ATP8A1: variants seen among roughly 807,000 people sequenced by gnomAD.
ATP8A1 encodes the protein phospholipid-transporting ATPase IA.
In ATP8A1, 90 loss-of-function variants were observed where a neutral mutation model predicts 177.7. That is an observed-to-expected ratio of 0.51 (90% confidence interval 0.43 to 0.60). The LOEUF is 0.60. Ranked by LOEUF, ATP8A1 falls within the 20% of genes least tolerant of loss-of-function variation. The pLI is 0.00. For synonymous variants in ATP8A1, 493 were observed against 485.9 expected (o/e 1.01, Z -0.19); for missense variants, 1,072 against 1,392.8 (o/e 0.77, Z 3.67).
Position 42,548,348 on chromosome 4 carries a change from T to C in ATP8A1, c.1652+665A>G, listed in dbSNP as rs187651817. Among the ~76,000 whole-genome samples, 4 of 152,310 alleles carry C rather than the reference T, an allele frequency of 2.6e-5. No homozygotes were observed. In the East Asian group the frequency reaches 7.7e-4, roughly 29 times the overall value. On this transcript the variant is annotated intron_variant, in intron 19 of 36. Coordinates refer to ENST00000381668, the MANE Select transcript of ATP8A1 (RefSeq NM_006095.2). The stretch of plus-strand genomic sequence containing the variant: ...TCCAGATCACCAGCCATAAGACGCA[T>C]GGCCGTATACGCTGGGCTTGTGAAT...
intron 33 of ATP8A1, among the ~76,000 whole-genome samples, chr4:42,435,613 C>T (rs567126748): frequency 2.9e-3 from 435 of 152,218 alleles, no homozygotes; most frequent in African/African-American, 9.0e-3. Flanking sequence ...AGAGGCAGTC[C>T]GCCCTCTGCC....
At chr4:42,644,614 T>C (rs1183453440) in intron 1 of ATP8A1, among the ~76,000 whole-genome samples, 3 of 151,980 alleles carry the variant, frequency 2.0e-5, no homozygotes, top group East Asian at 3.9e-4. Flanking sequence ...TACAGTACTA[T>C]GGTGTTTTTC....
chr4:42,484,249 T>A (rs1381475382), intron 25 of ATP8A1, among the ~76,000 whole-genome samples: 1 of 152,214 alleles, frequency 6.6e-6, no homozygotes. Context: ...CTCTTTATGA[T>A]TAAGCAAAGA....
chr4:42,611,503 C>G (rs1736371340), intron 5 of ATP8A1, among the ~76,000 whole-genome samples: 1 of 152,146 alleles, frequency 6.6e-6, no homozygotes, highest in Non-Finnish European at 1.5e-5. Context: ...AGAATGTATA[C>G]AGACCATCGT....
chr4:42,553,369 T>C (rs901296099), intron 16 of ATP8A1, among the ~76,000 whole-genome samples: 1 of 152,226 alleles, frequency 6.6e-6, no homozygotes, highest in Admixed American at 6.5e-5. Flanking sequence ...TTTTCTATAA[T>C]GCTTTGTCTT....
intron 25 of ATP8A1, among the ~76,000 whole-genome samples, chr4:42,471,055 T>C (rs1330802402): frequency 1.3e-5 from 2 of 151,964 alleles, no homozygotes; most frequent in East Asian, 1.9e-4. Flanking sequence ...TGAGAAAAAA[T>C]TAAGATACAG....
intron 30 of ATP8A1, among the ~76,000 whole-genome samples, chr4:42,447,869 C>T (rs1717456950): frequency 6.6e-6 from 1 of 152,074 alleles, no homozygotes; most frequent in Non-Finnish European, 1.5e-5. Context: ...TTTGAAGTGA[C>T]AATGAAGTTC....
At chr4:42,528,668 T>C (rs1726957418) in intron 20 of ATP8A1, among the ~76,000 whole-genome samples, 1 of 152,126 alleles carries the variant, frequency 6.6e-6, no homozygotes, top group African/African-American at 2.4e-5. Context: ...ATACCTTTAC[T>C]GTCCTACCCC....
In ATP8A1 at chr4:42,503,519, A is replaced by G. The variant is rs1219276405; in HGVS notation, c.2087-5T>C. ...TCAACAGTTTGCAGGAGTGTCCTGT[A>G]TCCAAACACAGAGTATATTAAAATT... On this transcript the variant is annotated splice_polypyrimidine_tract_variant and splice_region_variant and intron_variant, in intron 23 of 36. Coordinates refer to ENST00000381668, the MANE Select transcript of ATP8A1 (RefSeq NM_006095.2). The G allele has an allele frequency of 6.3e-7, 1 of 1,580,444 alleles. No individual in the cohort carries two copies. The highest frequency in any genetic ancestry group is 1.3e-5 in the African/African-American group (1 of 74,092).
intron 29 of ATP8A1, among the ~76,000 whole-genome samples, chr4:42,452,624 CAA>C (rs1718050880): frequency 6.6e-6 from 1 of 152,142 alleles, no homozygotes; most frequent in Non-Finnish European, 1.5e-5. Context: ...AAGGCTTTCA[CAA>C]TTTAACAGTG....
intron 1 of ATP8A1, among the ~76,000 whole-genome samples, chr4:42,636,154 A>G (rs750321399): frequency 0.23 from 10,928 of 47,532 alleles, 870 homozygotes; most frequent in Middle Eastern, 0.4. Flanking sequence ...ACACACACAC[A>G]CACGCACACA....
At chr4:42,591,367 T>C (rs972377364) in intron 6 of ATP8A1, among the ~76,000 whole-genome samples, 1 of 152,124 alleles carries the variant, frequency 6.6e-6, no homozygotes, top group African/African-American at 2.4e-5. Context: ...AAAAAACTAT[T>C]AAAAATGTTC....
At chr4:42,460,402 T>TTC (rs1491282816) in intron 27 of ATP8A1, among the ~76,000 whole-genome samples, 2 of 119,426 alleles carry the variant, frequency 1.7e-5, no homozygotes, top group African/African-American at 6.4e-5. Flanking sequence ...TTTTTTTTTT[T>TTC]TCTGAGATGG....
chr4:42,581,725 G>C lies in ATP8A1; in HGVS notation c.730C>G (p.Pro244Ala). ...AGAAGAATCTGATCTGCTCCCAGTG[G>C]AACGGTGCTAGGACAGATTACGTTG... Reference protein sequence around the residue: ...NIRLDGHGTVPLGADQILLRG... With the variant: ...NIRLDGHGTVALGADQILLRG... The change falls in exon 10 of 37, where the codon CCA becomes GCA. Residue 244 changes from proline to alanine, a missense_variant. By Grantham distance (27) the Pro-to-Ala change is conservative (BLOSUM62 -1). Transcript: ENST00000381668. 1 of 1,612,636 alleles carries C rather than the reference G, an allele frequency of 6.2e-7. No homozygotes were observed. The highest frequency in any genetic ancestry group is 8.5e-7 in the Non-Finnish European group (1 of 1,178,650).
rs74414660 is a variant in ATP8A1 at position 42,582,765 on chromosome 4, T to C, written c.723-1033A>G. On this transcript the variant is annotated intron_variant, in intron 9 of 36. Transcript: ENST00000381668. Reference sequence around the variant, plus strand: ...TTCATTCCTTATCATTTAAGACACATTTTTCATGAATAAGGTCCCAGTTGG... The same window carrying C: ...TTCATTCCTTATCATTTAAGACACACTTTTCATGAATAAGGTCCCAGTTGG... Among the ~76,000 whole-genome samples, 1,504 of 152,216 alleles carry C rather than the reference T, an allele frequency of 9.9e-3. 17 individuals are homozygous for C. Among genetic ancestry groups the C allele is most frequent in the African/African-American group, 0.033 (1,384 of 41,522 alleles).
intron 25 of ATP8A1, chr4:42,472,486 C>G (rs146147740): frequency 3.4e-6 from 1 of 290,750 alleles, no homozygotes; most frequent in Admixed American, 4.4e-5. Context: ...CAGTGGCTCA[C>G]GCCTGTAATC....
At chr4:42,487,944 T>C in intron 24 of ATP8A1, among the ~76,000 whole-genome samples, 1 of 152,188 alleles carries the variant, frequency 6.6e-6, no homozygotes, top group Non-Finnish European at 1.5e-5. Context: ...GTTCACACTT[T>C]ACATCAGGGA....
chr4:42,556,950 T>C lies in ATP8A1; in HGVS notation c.1341-910A>G, dbSNP rs145133335. Among the ~76,000 whole-genome samples, 380 of 152,250 alleles carry C rather than the reference T, an allele frequency of 2.5e-3. 3 individuals carry two copies. Among genetic ancestry groups the C allele is most frequent in the African/African-American group, 8.6e-3 (359 of 41,548 alleles). The stretch of plus-strand genomic sequence containing the variant: ...AACATTAACAGGTTACAAAGAGTAT[T>C]ATCAATGTCAACATGTCAGATATCA... On this transcript the variant is annotated intron_variant, in intron 15 of 36. Coordinates refer to ENST00000381668, the MANE Select transcript of ATP8A1 (RefSeq NM_006095.2).
chr4:42,528,723 T>G (rs1040896614), intron 20 of ATP8A1, among the ~76,000 whole-genome samples: 1 of 152,194 alleles, frequency 6.6e-6, no homozygotes, highest in Non-Finnish European at 1.5e-5. Flanking sequence ...TCTTATTCAG[T>G]GAGACCTTGA....
Sources: allele counts gnomAD v4.1 joint callset (sites outside exome capture counted in the v4.1 genomes callset), GRCh38; gene constraint gnomAD v4.1.1; transcripts MANE v1.5; gene names NCBI Gene and HGNC (gene_info 2026-07-23, HGNC 2026-07-21).